The following SLC44A1 variants were observed in gnomAD, a reference collection of about 807,000 sequenced individuals.
SLC44A1 encodes solute carrier family 44 member 1.
SLC44A1 carries 26 observed loss-of-function variants against 79.3 expected under a neutral mutation model. The observed-to-expected ratio is 0.33, with a 90% CI of 0.24 to 0.46. SLC44A1 has a LOEUF of 0.46. Among genes scored for constraint, SLC44A1 ranks in the 20% least tolerant of loss-of-function variants. The pLI is 1.00. For synonymous variants in SLC44A1, 263 were observed against 286.2 expected (o/e 0.92, Z 0.82); for missense variants, 688 against 798.1 (o/e 0.86, Z 1.66).
chr9:105,354,946 T>G (rs1290572237), intron 5 of SLC44A1, among the ~76,000 whole-genome samples: 2 of 152,352 alleles, frequency 1.3e-5, no homozygotes, highest in East Asian at 3.9e-4. Flanking sequence ...ATCCACTCAT[T>G]GGACCAAAAT....
At chr9:105,289,391 T>C (rs948522733) in intron 1 of SLC44A1, among the ~76,000 whole-genome samples, 5 of 152,218 alleles carry the variant, frequency 3.3e-5, no homozygotes, top group African/African-American at 7.2e-5. Context: ...GTGCTTTCTA[T>C]AAACAATGTT....
intron 1 of SLC44A1, among the ~76,000 whole-genome samples, chr9:105,278,527 C>T (rs763469524): frequency 2.6e-5 from 4 of 152,162 alleles, no homozygotes; most frequent in African/African-American, 9.7e-5. Flanking sequence ...GGATTACAGG[C>T]GTGAGCCACC....
intron 13 of SLC44A1, among the ~76,000 whole-genome samples, chr9:105,379,408 C>T (rs1409212265): frequency 2.6e-5 from 4 of 152,272 alleles, no homozygotes; most frequent in African/African-American, 9.6e-5. Flanking sequence ...TATTCTGCAT[C>T]TTCACAGTAT....
chr9:105,435,626 T>C (rs1829454518), intron 15 of SLC44A1, among the ~76,000 whole-genome samples: 1 of 152,180 alleles, frequency 6.6e-6, no homozygotes. Flanking sequence ...TTCTTTTTCT[T>C]TAGTGGTTCT....
intron 5 of SLC44A1, among the ~76,000 whole-genome samples, chr9:105,353,178 T>G (rs1000476770): frequency 5.3e-5 from 8 of 152,198 alleles, no homozygotes; most frequent in African/African-American, 1.9e-4. Flanking sequence ...GGTTGTTGTT[T>G]TTTTTTAACT....
intron 1 of SLC44A1, among the ~76,000 whole-genome samples, chr9:105,245,130 C>T (rs1351610416): frequency 6.6e-6 from 1 of 152,006 alleles, no homozygotes; most frequent in Admixed American, 6.5e-5. Context: ...GCGCCTAGTG[C>T]GCCCTCAGCT....
At chr9:105,343,987 T>A (rs1827176181) in intron 4 of SLC44A1, among the ~76,000 whole-genome samples, 1 of 152,180 alleles carries the variant, frequency 6.6e-6, no homozygotes, top group African/African-American at 2.4e-5. Flanking sequence ...ATGTCCATAT[T>A]TTTCATGGGT....
intron 1 of SLC44A1, among the ~76,000 whole-genome samples, chr9:105,271,336 CTT>C (rs1210973549): frequency 6.6e-6 from 1 of 152,180 alleles, no homozygotes; most frequent in African/African-American, 2.4e-5. Context: ...GGTACAGAAT[CTT>C]TCATTCCTCT....
In SLC44A1 at chr9:105,358,348, A is replaced by G; in HGVS notation, c.675A>G (p.Leu225=). Residue 225 remains leucine, a synonymous_variant, in exon 7 of 16, where the codon CTA becomes CTG. Coordinates refer to ENST00000374720, the MANE Select transcript of SLC44A1 (RefSeq NM_080546.5). The stretch of plus-strand genomic sequence containing the variant: ...TGTTCTCTATCTTCCCTGCAGTTCT[A>G]TCCATGATTTTGATGGTGATAATCA... ...ILGLCLLSLV[L]SMILMVIIRY... is the part of the protein sequence containing the mutation. 1 of 1,528,556 alleles carries G rather than the reference A, an allele frequency of 6.5e-7. No homozygotes were observed. The highest frequency in any genetic ancestry group is 9.1e-7 in the Non-Finnish European group (1 of 1,103,028). 94.7% of individuals were successfully genotyped at this position (1,528,556 alleles called of 1,614,324 possible).
At chr9:105,275,271 C>T (rs1193047730) in intron 1 of SLC44A1, among the ~76,000 whole-genome samples, 1 of 152,248 alleles carries the variant, frequency 6.6e-6, no homozygotes, top group East Asian at 1.9e-4. Context: ...TTGATTTTAG[C>T]TCTTTCATGG....
rs575618752 is a variant in SLC44A1 at position 105,433,799 on chromosome 9, G to C, written c.1951-4482G>C. 7.2e-5 allele frequency among the ~76,000 whole-genome samples: 11 copies of C among 152,224 alleles called. No individual in the cohort carries two copies. The South Asian group carries it at 8.3e-4, about 11-fold the overall frequency. The stretch of plus-strand genomic sequence containing the variant: ...TTCTCTAGCTAGAAAGTCCAATCAA[G>C]TCATTATACAATGAAGCATTTCAAT... On this transcript the variant is annotated intron_variant, in intron 15 of 15. Coordinates refer to the SLC44A1 transcript ENST00000374724.
Position 105,393,420 on chromosome 9 carries a change from T to C in SLC44A1, c.*4364T>C, listed in dbSNP as rs1260522878. On this transcript the variant is annotated 3_prime_UTR_variant, in exon 16 of 16. Coordinates refer to ENST00000374720, the MANE Select transcript of SLC44A1 (RefSeq NM_080546.5). The stretch of plus-strand genomic sequence containing the variant: ...AACAAAACAAAAATTACACGTCGTG[T>C]ACAGTTATGAATTTAGAATAGCACA... The C allele has an allele frequency of 1.0e-6, 1 of 985,266 alleles. No individual in the cohort carries two copies. Among genetic ancestry groups the C allele is most frequent in the African/African-American group, 1.7e-5 (1 of 57,372 alleles). The allele number at this position is 985,266 out of a possible 1,614,324, so 61.0% of individuals were successfully genotyped here. A position where few individuals can be genotyped will look rare whatever the true frequency, so the allele number is the denominator to read the frequency against.
At chr9:105,275,531 A>G (rs182676963) in intron 1 of SLC44A1, among the ~76,000 whole-genome samples, 2 of 152,358 alleles carry the variant, frequency 1.3e-5, no homozygotes, top group East Asian at 3.9e-4. Flanking sequence ...AAACACAGAC[A>G]ATGAAAGTGT....
rs574495197 is a variant in SLC44A1 at position 105,436,920 on chromosome 9, C to G, written c.1951-1361C>G. Among the ~76,000 whole-genome samples, 12 of 152,248 alleles carry G rather than the reference C, an allele frequency of 7.9e-5. No individual in the cohort carries two copies. The East Asian group carries it at 1.9e-3, about 25-fold the overall frequency. ...GAGCCTCTTGTGGAGACAGATGTAT[C>G]AGATCTTCACCTGACTTCATTTGAT... is the stretch of plus-strand genomic sequence containing the variant. On this transcript the variant is annotated intron_variant, in intron 15 of 15. Coordinates refer to the SLC44A1 transcript ENST00000374724.
At chr9:105,416,561 C>T (rs935836226) in intron 15 of SLC44A1, among the ~76,000 whole-genome samples, 2 of 152,172 alleles carry the variant, frequency 1.3e-5, no homozygotes, top group East Asian at 3.9e-4. Context: ...CCACAGACAT[C>T]GCCAGATCTG....
At chr9:105,377,140 G>A (rs1489410208) in intron 13 of SLC44A1, among the ~76,000 whole-genome samples, 1 of 152,134 alleles carries the variant, frequency 6.6e-6, no homozygotes, top group Non-Finnish European at 1.5e-5. Context: ...TAAACAATCT[G>A]ATGCCTAACA....
At chr9:105,367,255 A>G (rs1827970487) in intron 12 of SLC44A1, among the ~76,000 whole-genome samples, 3 of 152,216 alleles carry the variant, frequency 2.0e-5, no homozygotes, top group Non-Finnish European at 4.4e-5. Context: ...GTGATTGAAG[A>G]GTAGCATTGC....
chr9:105,417,601 G>C (rs568212760), intron 15 of SLC44A1, among the ~76,000 whole-genome samples: 11 of 152,286 alleles, frequency 7.2e-5, no homozygotes, highest in Non-Finnish European at 1.0e-4. Context: ...TGAGTGAAAA[G>C]TGTGATTATA....
At chr9:105,247,305 T>C (rs1334269922) in intron 1 of SLC44A1, among the ~76,000 whole-genome samples, 1 of 152,214 alleles carries the variant, frequency 6.6e-6, no homozygotes, top group Non-Finnish European at 1.5e-5. Context: ...TTTTTTTTGT[T>C]TTTCTTCAGA....
Sources: allele counts gnomAD v4.1 joint callset (sites outside exome capture counted in the v4.1 genomes callset), GRCh38; gene constraint gnomAD v4.1.1; transcripts MANE v1.5; gene names NCBI Gene and HGNC (gene_info 2026-07-23, HGNC 2026-07-21).